Variants in SYNPR observed in about 807,000 individuals in gnomAD.
SYNPR encodes the protein synaptoporin.
Under a neutral mutation model 32.9 loss-of-function variants are expected in SYNPR, and 23 were observed. The ratio of observed to expected loss-of-function variants is 0.70; its 90% CI spans 0.50 to 0.99. SYNPR has a LOEUF of 0.99. Among genes scored for constraint, SYNPR ranks in the 50% least tolerant of loss-of-function variants. The probability of loss-of-function intolerance (pLI) is 0.00; values close to 1 mark genes in which losing one functional copy is unlikely to be tolerated. For synonymous variants in SYNPR, 146 were observed against 135.9 expected (o/e 1.07, Z -0.52); for missense variants, 318 against 349.3 (o/e 0.91, Z 0.71).
rs10530383 is a variant in SYNPR at position 63,586,654 on chromosome 3, A to ATGTGTGTGTGTGTGTGTGTGTG, written c.409-22463_409-22442dup. Among the ~76,000 whole-genome samples the ATGTGTGTGTGTGTGTGTGTGTG allele has an allele frequency of 1.1e-4, 16 of 143,658 alleles. No individual in the cohort carries two copies. The East Asian group carries it at 3.3e-3, about 30-fold the overall frequency. The allele number at this position is 143,658 out of a possible 152,430, so 94.2% of individuals were successfully genotyped here. On this transcript the variant is annotated intron_variant, in intron 4 of 5. Coordinates refer to ENST00000478300, the MANE Select transcript of SYNPR (RefSeq NM_001130003.2). ...TCTTCCCTTTCTTCTTGCAGATTCA[A>ATGTGTGTGTGTGTGTGTGTGTG]TGTGTGTGTGTGTGTGTGTGTGTGT...
chr3:63,576,707 C>G (rs1702985972), intron 4 of SYNPR, among the ~76,000 whole-genome samples: 1 of 151,000 alleles, frequency 6.6e-6, no homozygotes, highest in South Asian at 2.1e-4. Context: ...AGGAGAATCA[C>G]TTGAACCCAG....
rs149241869 is a variant in SYNPR at position 63,480,930 on chromosome 3, C to T, written c.183C>T (p.Ile61=). 4.6e-4 allele frequency: 744 copies of T among 1,612,934 alleles called. 13 individuals carry two copies. The East Asian group carries it at 0.011, about 24-fold the overall frequency. Reference sequence around the variant, plus strand: ...ACAAGACAGAAAGTAACCTCAGCATCGACATAGCGTTTGCCTACCCATTCA... The same window carrying T: ...ACAAGACAGAAAGTAACCTCAGCATTGACATAGCGTTTGCCTACCCATTCA... ...CVNKTESNLS[I]DIAFAYPFRL... Residue 61 remains isoleucine, a synonymous_variant, in exon 3 of 6, where the codon ATC becomes ATT. Coordinates refer to ENST00000478300, the MANE Select transcript of SYNPR (RefSeq NM_001130003.2).
chr3:63,545,589 ATATAT>A (rs1702385994), intron 3 of SYNPR: 1 of 152,114 alleles, frequency 6.6e-6, no homozygotes, highest in South Asian at 2.1e-4. Flanking sequence ...AGTCCTGTAC[ATATAT>A]TATATGACTG....
intron 3 of SYNPR, chr3:63,545,351 T>A (rs2106811382): frequency 6.6e-6 from 1 of 152,238 alleles, no homozygotes; most frequent in African/African-American, 2.4e-5. Flanking sequence ...AGAAACCTAA[T>A]AAGAATCTAA....
intron 1 of SYNPR, among the ~76,000 whole-genome samples, chr3:63,245,725 G>A (rs1343563074): frequency 6.8e-5 from 7 of 102,980 alleles, no homozygotes; most frequent in Non-Finnish European, 1.6e-4. Flanking sequence ...GTGTGTGTGT[G>A]TGTGTGTGTG....
intron 3 of SYNPR, among the ~76,000 whole-genome samples, chr3:63,534,803 A>G (rs1702173622): frequency 6.6e-6 from 1 of 152,274 alleles, no homozygotes; most frequent in African/African-American, 2.4e-5. Flanking sequence ...GGAGAAGGTC[A>G]GGCTCTTTTT....
At chr3:63,414,803 G>T (rs776601670) in intron 2 of SYNPR, among the ~76,000 whole-genome samples, 5 of 152,154 alleles carry the variant, frequency 3.3e-5, no homozygotes, top group Non-Finnish European at 5.9e-5. Context: ...CACATATAAT[G>T]AAGTTAGTCA....
At chr3:63,210,248 G>T in the SYNPR span, among the ~76,000 whole-genome samples, 1 of 152,144 alleles carries the variant, frequency 6.6e-6, no homozygotes, top group Non-Finnish European at 1.5e-5. Context: ...TAGATGCAGG[G>T]CCTACTGTAT....
chr3:63,596,692 G>T (rs35663544), intron 4 of SYNPR, among the ~76,000 whole-genome samples: 7 of 152,088 alleles, frequency 4.6e-5, no homozygotes, highest in Non-Finnish European at 1.0e-4. Flanking sequence ...AATGTGGGAG[G>T]CATGCTGGCC....
At chr3:63,611,917 A>C (rs1700205396) in intron 5 of SYNPR, among the ~76,000 whole-genome samples, 1 of 152,188 alleles carries the variant, frequency 6.6e-6, no homozygotes, top group South Asian at 2.1e-4. Flanking sequence ...CTCAGAGAAC[A>C]CACTTTACTG....
At chr3:63,239,930 A>G (rs2106879842) in intron 1 of SYNPR, among the ~76,000 whole-genome samples, 1 of 152,238 alleles carries the variant, frequency 6.6e-6, no homozygotes, top group Middle Eastern at 3.4e-3. Context: ...AACAATGAAA[A>G]GATTTATAAG....
At chr3:63,509,402 C>T (rs974201155) in intron 3 of SYNPR, among the ~76,000 whole-genome samples, 12 of 151,452 alleles carry the variant, frequency 7.9e-5, no homozygotes, top group Non-Finnish European at 1.5e-5. Flanking sequence ...TGAAAAACAT[C>T]TCATATCTAA....
chr3:63,569,110 TC>T (rs1702842922), intron 4 of SYNPR, among the ~76,000 whole-genome samples: 1 of 152,186 alleles, frequency 6.6e-6, no homozygotes, highest in Non-Finnish European at 1.5e-5. Context: ...TAACTCTGTT[TC>T]CCTTTGTAAT....
At chr3:63,456,422 T>C (rs1289223992) in intron 2 of SYNPR, among the ~76,000 whole-genome samples, 7 of 152,052 alleles carry the variant, frequency 4.6e-5, no homozygotes, top group Admixed American at 1.3e-4. Context: ...TTTGATGAAA[T>C]TGGTCATAAG....
At chr3:63,481,325 A>T (rs1438759993) in intron 3 of SYNPR, among the ~76,000 whole-genome samples, 4 of 152,198 alleles carry the variant, frequency 2.6e-5, no homozygotes, top group African/African-American at 7.2e-5. Flanking sequence ...AATCAACAAG[A>T]ATGACAGATT....
intron 2 of SYNPR, among the ~76,000 whole-genome samples, chr3:63,280,593 T>G (rs2086619695): frequency 6.6e-6 from 1 of 152,224 alleles, no homozygotes; most frequent in Non-Finnish European, 1.5e-5. Flanking sequence ...TATTTATTCC[T>G]TCCTCTTTCC....
chr3:63,558,794 G>A (rs1183772217), intron 4 of SYNPR, among the ~76,000 whole-genome samples: 2 of 151,732 alleles, frequency 1.3e-5, no homozygotes, highest in Non-Finnish European at 2.9e-5. Context: ...TAATTTAAAT[G>A]TGTATAAATA....
At chr3:63,506,222 CATTG>C (rs1375151460) in intron 3 of SYNPR, among the ~76,000 whole-genome samples, 1 of 151,880 alleles carries the variant, frequency 6.6e-6, no homozygotes, top group African/African-American at 2.4e-5. Flanking sequence ...CAATATGAAC[CATTG>C]ATTGAACATG....
intron 3 of SYNPR, among the ~76,000 whole-genome samples, chr3:63,494,490 TATATATACATATATAC>T (rs1239553863): frequency 9.6e-5 from 13 of 135,000 alleles, no homozygotes; most frequent in Admixed American, 3.1e-4. Context: ...TATATATACA[TATATATACATATATAC>T]ATATATACAT....
Sources: gnomAD v4.1 joint callset for allele counts (sites outside exome capture counted in the v4.1 genomes callset) on GRCh38, gnomAD v4.1.1 for gene constraint, MANE v1.5 for transcripts, NCBI Gene and HGNC (gene_info 2026-07-23, HGNC 2026-07-21) for gene names.